Variants in GALNT7 observed in about 807,000 individuals in gnomAD.
GALNT7 encodes N-acetylgalactosaminyltransferase 7.
Under a neutral mutation model 82.1 loss-of-function variants are expected in GALNT7, and 60 were observed. That is an observed-to-expected ratio of 0.73 (90% CI 0.59 to 0.91). GALNT7 has a LOEUF of 0.91. Among genes scored for constraint, GALNT7 ranks in the 40% least tolerant of loss-of-function variants. The pLI is 0.00. For synonymous variants in GALNT7, 243 were observed against 275.1 expected (o/e 0.88, Z 1.15); for missense variants, 660 against 804.2 (o/e 0.82, Z 2.17).
intron 1 of GALNT7, among the ~76,000 whole-genome samples, chr4:173,192,630 G>A (rs529354258): frequency 6.6e-6 from 1 of 152,198 alleles, no homozygotes; most frequent in Non-Finnish European, 1.5e-5. Context: ...TTGAAAGGCT[G>A]TAGAAGTAAA....
intron 1 of GALNT7, among the ~76,000 whole-genome samples, chr4:173,184,271 G>A (rs28413646): frequency 0.26 from 39,108 of 151,586 alleles, 5,795 homozygotes; most frequent in African/African-American, 0.42. Flanking sequence ...AGGTTGTAGC[G>A]AGCCGAGATC....
At chr4:173,250,389 G>A (rs530903310) in intron 2 of GALNT7, among the ~76,000 whole-genome samples, 1 of 152,138 alleles carries the variant, frequency 6.6e-6, no homozygotes, top group South Asian at 2.1e-4. Context: ...ATTAAATGAT[G>A]TACAAGGCTT....
chr4:173,229,932 T>G (rs1187780764), intron 1 of GALNT7, among the ~76,000 whole-genome samples: 1 of 152,152 alleles, frequency 6.6e-6, no homozygotes. Flanking sequence ...GACTGACACA[T>G]TGGCAGGCTG....
intron 2 of GALNT7, among the ~76,000 whole-genome samples, chr4:173,265,830 C>T (rs1735467609): frequency 6.6e-6 from 1 of 151,968 alleles, no homozygotes; most frequent in Non-Finnish European, 1.5e-5. Flanking sequence ...TCAAATGGCC[C>T]AGATAAACTG....
chr4:173,189,190 T>C (rs1178150661), intron 1 of GALNT7, among the ~76,000 whole-genome samples: 5 of 152,232 alleles, frequency 3.3e-5, no homozygotes, highest in Admixed American at 3.3e-4. Flanking sequence ...CAAAAAAGAT[T>C]TCTGTTTACA....
At chr4:173,194,682 C>T (rs1561149262) in intron 1 of GALNT7, among the ~76,000 whole-genome samples, 1 of 151,978 alleles carries the variant, frequency 6.6e-6, no homozygotes, top group Non-Finnish European at 1.5e-5. Flanking sequence ...GGTACATGTG[C>T]ACAACGTGCA....
At chr4:173,315,047 A>C (rs1737539690) in intron 9 of GALNT7, among the ~76,000 whole-genome samples, 1 of 135,534 alleles carries the variant, frequency 7.4e-6, no homozygotes, top group Non-Finnish European at 1.6e-5. Flanking sequence ...GTGATAAATG[A>C]TAATGACACA....
rs544443581 is a variant in GALNT7 at position 173,236,475 on chromosome 4, T to A, written c.127-11505T>A. ...TTCCCACTCATTTGCTCTATCCGAG[T>A]ACTCATTCCAAAATTCAGCTTTGAT... On this transcript the variant is annotated intron_variant, in intron 1 of 11. Coordinates refer to ENST00000265000, the MANE Select transcript of GALNT7 (RefSeq NM_017423.3). Among the ~76,000 whole-genome samples, 65 of 152,302 alleles carry A rather than the reference T, an allele frequency of 4.3e-4. 1 individual carries two copies. Among genetic ancestry groups the A allele is most frequent in the Admixed American group, 1.9e-3 (29 of 15,296 alleles).
intron 2 of GALNT7, among the ~76,000 whole-genome samples, chr4:173,265,588 TCTC>T (rs1735453946): frequency 2.2e-5 from 1 of 44,800 alleles, no homozygotes; most frequent in African/African-American, 1.1e-4. Context: ...GGCGTAAGCA[TCTC>T]TCTCTCTCTC....
intron 1 of GALNT7, among the ~76,000 whole-genome samples, chr4:173,195,490 T>C (rs1732747741): frequency 6.6e-6 from 1 of 152,178 alleles, no homozygotes; most frequent in African/African-American, 2.4e-5. Context: ...TTCTCTAGGA[T>C]CTTAGGGTCA....
At chr4:173,298,890 G>T (rs1375539910) in intron 6 of GALNT7, among the ~76,000 whole-genome samples, 1 of 152,180 alleles carries the variant, frequency 6.6e-6, no homozygotes, top group Non-Finnish European at 1.5e-5. Context: ...TCAGAAAAGT[G>T]ATTGATTAAA....
intron 8 of GALNT7, among the ~76,000 whole-genome samples, chr4:173,306,974 C>G (rs985965881): frequency 6.6e-6 from 1 of 152,118 alleles, no homozygotes; most frequent in African/African-American, 2.4e-5. Flanking sequence ...AGGGTACTTG[C>G]TTGGTGGGAT....
chr4:173,318,151 G>A (rs1311908956), intron 10 of GALNT7, among the ~76,000 whole-genome samples: 1 of 151,968 alleles, frequency 6.6e-6, no homozygotes, highest in African/African-American at 2.4e-5. Context: ...GTATGTTTTT[G>A]CTTTTTCATT....
intron 1 of GALNT7, among the ~76,000 whole-genome samples, chr4:173,247,014 A>G (rs1734659963): frequency 1.3e-5 from 2 of 152,170 alleles, no homozygotes; most frequent in South Asian, 2.1e-4. Flanking sequence ...TTAGATGTAT[A>G]TTAAATCACC....
At chr4:173,269,310 C>T (rs576745752) in intron 2 of GALNT7, among the ~76,000 whole-genome samples, 11 of 152,050 alleles carry the variant, frequency 7.2e-5, no homozygotes, top group South Asian at 4.2e-4. Flanking sequence ...TTATATGTTC[C>T]GCCCATAATT....
intron 1 of GALNT7, among the ~76,000 whole-genome samples, chr4:173,240,150 C>T (rs190239379): frequency 4.7e-4 from 72 of 152,222 alleles, no homozygotes; most frequent in African/African-American, 1.7e-3. Flanking sequence ...GAAAGTTATA[C>T]TTGTCCATTA....
chr4:173,268,529 C>CTTT (rs1579973397), intron 2 of GALNT7, among the ~76,000 whole-genome samples: 5 of 61,020 alleles, frequency 8.2e-5, no homozygotes, highest in East Asian at 6.9e-4. Flanking sequence ...TTTTCTCTCT[C>CTTT]GTTTTTTTTT....
Position 173,302,253 on chromosome 4 carries a change from A to G in GALNT7, c.1266+89A>G. ...AAAGCTAGTTTTTTGTGGGGGAAAA[A>G]AGCCCACAATTATATCATGCATTTC... On this transcript the variant is annotated intron_variant, in intron 7 of 11. Transcript: ENST00000265000. The surrounding 1 kb of genome is among the most constrained non-coding windows in gnomAD (Gnocchi z 4.2). 1 of 755,076 alleles carries G rather than the reference A, an allele frequency of 1.3e-6. No individual in the cohort carries two copies. Among genetic ancestry groups the G allele is most frequent in the Non-Finnish European group, 2.4e-6 (1 of 415,976 alleles). 46.8% of individuals were successfully genotyped at this position (755,076 alleles called of 1,614,324 possible).
rs1736999499 is a variant in GALNT7, at chr4:173,302,880, A to G, written c.1266+716A>G. Among the ~76,000 whole-genome samples, 1 of 152,236 alleles carries G rather than the reference A, an allele frequency of 6.6e-6. No individual in the cohort carries two copies. The highest frequency in any genetic ancestry group is 6.5e-5 in the Admixed American group (1 of 15,288). ...ATTATACTTAAATTCATAATACAAG[A>G]AGGCAGAATGGCATTCAGTTGGTGT... On this transcript the variant is annotated intron_variant, in intron 7 of 11. Transcript: ENST00000265000. The surrounding 1 kb of genome is among the most constrained non-coding windows in gnomAD (Gnocchi z 4.2).
Sources: gnomAD v4.1 joint callset for allele counts (sites outside exome capture counted in the v4.1 genomes callset) on GRCh38, gnomAD v4.1.1 for gene constraint, Gnocchi (gnomAD v3.1) non-coding constraint, MANE v1.5 for transcripts, NCBI Gene and HGNC (gene_info 2026-07-23, HGNC 2026-07-21) for gene names.